C20orf96: variants seen among roughly 807,000 people sequenced by gnomAD.
C20orf96 encodes chromosome 20 open reading frame 96.
C20orf96 carries 57 observed loss-of-function variants against 52.6 expected under a neutral mutation model. The observed-to-expected ratio is 1.08, with a 90% CI of 0.88 to 1.35. The LOEUF is 1.35. Among genes scored for constraint, C20orf96 ranks in the 40% most tolerant of loss-of-function variants. The pLI, the probability that C20orf96 is intolerant of heterozygous loss-of-function variation, is 0.00. For missense variants in C20orf96, 478 were observed against 443.6 expected, an observed-to-expected ratio of 1.08 and a Z score of -0.70; for synonymous variants, 168 against 157.2, an observed-to-expected ratio of 1.07 and a Z score of -0.51.
At chr20:278,484 G>A (rs2012103136) in intron 5 of C20orf96, 55 bp from the exon 6 acceptor site, 1 of 1,394,136 alleles carries the variant, frequency 7.2e-7, no homozygotes, top group Non-Finnish European at 1.0e-6. Flanking sequence ...CTCAGAGGCG[G>A]CCACCCAGCA....
intron 4 of C20orf96, 57 bp from the exon 5 acceptor site, chr20:279,387 C>A (rs1351691160): frequency 9.0e-6 from 14 of 1,548,388 alleles, no homozygotes; most frequent in East Asian, 2.5e-5. Flanking sequence ...GCCTGAGCCC[C>A]CGAAAGCCCG....
chr20:276,662 G>A, intron 9 of C20orf96, 131 bp downstream of exon 9: 5 of 1,489,180 alleles, frequency 3.4e-6, no homozygotes, highest in Non-Finnish European at 4.5e-6. Context: ...CCGGCAAGGA[G>A]GGAGGCCAAC....
At chr20:280,499 T>C (rs2012226153) in intron 4 of C20orf96, among the ~76,000 whole-genome samples, 1 of 152,244 alleles carries the variant, frequency 6.6e-6, no homozygotes, top group Non-Finnish European at 1.5e-5. Flanking sequence ...CTCCAACAGC[T>C]TTATGTTTAC....
rs537094486 is a variant in C20orf96, at chr20:282,583, A to C, written c.306+1380T>G. Among the ~76,000 whole-genome samples, 4 of 152,310 alleles carry C rather than the reference A, an allele frequency of 2.6e-5. No homozygotes were observed. The East Asian group carries it at 7.7e-4, about 29-fold the overall frequency. On this transcript the variant is annotated intron_variant, in intron 4 of 10. Transcript: ENST00000360321. ...CCTCTAAAGTTAGGATAAAAATAAC[A>C]GAAATGGCTGGAAGCGGTGGCTCAC...
chr20:279,159 C>T lies in C20orf96; in HGVS notation c.465+13G>A, dbSNP rs1376427788. 6 of 1,553,370 alleles carry T rather than the reference C, an allele frequency of 3.9e-6. No homozygotes were observed. The East Asian group carries it at 9.9e-5, about 26-fold the overall frequency. Reference sequence around the variant, plus strand: ...CGGAGGGACGGAGGGCGGGCGGATGCCGCGGGTCTCACCGCCAGGGTGTCC... The same window carrying T: ...CGGAGGGACGGAGGGCGGGCGGATGTCGCGGGTCTCACCGCCAGGGTGTCC... On this transcript the variant is annotated intron_variant, in intron 5 of 10. Transcript: ENST00000360321.
In C20orf96 at chr20:279,160, C is replaced by A; in HGVS notation, c.465+12G>T. On this transcript the variant is annotated intron_variant, in intron 5 of 10. Transcript: ENST00000360321. The stretch of plus-strand genomic sequence containing the variant: ...GGAGGGACGGAGGGCGGGCGGATGC[C>A]GCGGGTCTCACCGCCAGGGTGTCCT... 1 of 1,562,744 alleles carries A rather than the reference C, an allele frequency of 6.4e-7. No individual in the cohort carries two copies. The highest frequency in any genetic ancestry group is 8.6e-7 in the Non-Finnish European group (1 of 1,162,608).
chr20:276,011 G>A lies in C20orf96; in HGVS notation c.988C>T (p.Pro330Ser). Residue 330 changes from proline (P) to serine (S), a missense_variant, in exon 10 of 11, where the codon CCC becomes TCC. Pro to Ser is a moderately conservative substitution (Grantham distance 74). Coordinates refer to ENST00000360321, the MANE Select transcript of C20orf96 (RefSeq NM_153269.3). ...VEELQAQTRE[P>S]REVIFEDVLL... ...ACATCCTCAAATATGACCTCTCGGG[G>A]TTCCCGGGTCTGGGCTTGGAGCTCT... 4 of 1,614,222 alleles carry A rather than the reference G, an allele frequency of 2.5e-6. No individual in the cohort carries two copies. Among genetic ancestry groups the A allele is most frequent in the Non-Finnish European group, 2.5e-6 (3 of 1,180,044 alleles).
chr20:277,875 A>G (rs915523271), intron 6 of C20orf96, among the ~76,000 whole-genome samples: 2 of 152,174 alleles, frequency 1.3e-5, no homozygotes, highest in Admixed American at 1.3e-4. Flanking sequence ...TGCTCAGGGA[A>G]AAGGAACCAC....
At chr20:274,863 A>G (rs2011967472) in intron 10 of C20orf96, among the ~76,000 whole-genome samples, 2 of 151,814 alleles carry the variant, frequency 1.3e-5, no homozygotes, top group African/African-American at 4.8e-5. Context: ...TCTGTCACCC[A>G]GACTGGAATG....
At chr20:288,286 T>C (rs760317154) in intron 3 of C20orf96, among the ~76,000 whole-genome samples, 2 of 148,720 alleles carry the variant, frequency 1.3e-5, no homozygotes, top group East Asian at 2.1e-4. Context: ...GAAAAACCCA[T>C]TGGGAATATT....
At chr20:280,806 T>C (rs926224110) in intron 4 of C20orf96, among the ~76,000 whole-genome samples, 17 of 152,220 alleles carry the variant, frequency 1.1e-4, no homozygotes, top group Non-Finnish European at 2.1e-4. Context: ...AGCCTCCTTA[T>C]ACTCATTCTA....
intron 3 of C20orf96, among the ~76,000 whole-genome samples, chr20:284,991 C>T (rs1012073713): frequency 2.6e-5 from 4 of 152,212 alleles, no homozygotes; most frequent in African/African-American, 4.8e-5. Context: ...AATCATCACG[C>T]CCACCTCATA....
intron 4 of C20orf96, among the ~76,000 whole-genome samples, chr20:280,799 C>T (rs1214960185): frequency 6.6e-6 from 1 of 152,140 alleles, no homozygotes; most frequent in Non-Finnish European, 1.5e-5. Flanking sequence ...GTCTCAGAGC[C>T]TCCTTATACT....
chr20:273,676 G>C (rs565266710), intron 10 of C20orf96, among the ~76,000 whole-genome samples: 1 of 152,014 alleles, frequency 6.6e-6, no homozygotes, highest in African/African-American at 2.4e-5. Flanking sequence ...AGGAGTTTGA[G>C]ACCAGCCTGG....
chr20:277,368 G>T lies in C20orf96; in HGVS notation c.581C>A (p.Ala194Glu), dbSNP rs1386056498. Residue 194 changes from alanine to glutamate, a missense_variant, in exon 7 of 11, where the codon GCA becomes GAA. Physicochemically the swap from Ala to Glu is moderately radical, Grantham distance 107. Transcript: ENST00000360321. ...KCKMSYLEQQ[A>E]EQLNAKIEKT... ...CTCAATCTTGGCATTCAGCTGCTCTGCCTGCTGCTCAAGATCTGGGGAGGG... is the reference window on the plus strand; with the variant it reads ...CTCAATCTTGGCATTCAGCTGCTCTTCCTGCTGCTCAAGATCTGGGGAGGG... 6.2e-7 allele frequency: 1 copy of T among 1,613,948 alleles called. No homozygotes were observed. Among genetic ancestry groups the T allele is most frequent in the African/African-American group, 1.3e-5 (1 of 75,042 alleles).
intron 9 of C20orf96, 82 bp from the exon 10 acceptor site, chr20:276,168 G>A (rs1292555539): frequency 6.2e-7 from 1 of 1,601,436 alleles, no homozygotes; most frequent in Non-Finnish European, 8.5e-7. Context: ...TGAACGAGGA[G>A]CAAAGCTATC....
intron 3 of C20orf96, among the ~76,000 whole-genome samples, chr20:288,708 C>T (rs982638321): frequency 1.3e-5 from 2 of 152,122 alleles, no homozygotes; most frequent in African/African-American, 4.8e-5. Context: ...CAGTGTTGCC[C>T]ACAGGGGAGC....
chr20:277,481 A>G, intron 6 of C20orf96, 98 bp from the exon 7 acceptor site: 2 of 1,272,578 alleles, frequency 1.6e-6, no homozygotes, highest in Non-Finnish European at 2.2e-6. Context: ...CTCCTTGGCC[A>G]GTAACTGGGG....
At position 279,041 on chromosome 20, in the gene C20orf96, AGGGCGGGAGGGC is replaced by A. The variant is rs1568491337; in HGVS notation, c.465+119_465+130del. The A allele has an allele frequency of 2.9e-4, 71 of 248,282 alleles. 2 individuals are homozygous for A. The highest frequency in any genetic ancestry group is 3.5e-4 in the Non-Finnish European group (55 of 157,624). The allele number at this position is 248,282 out of a possible 1,614,324, so 15.4% of individuals were successfully genotyped here. On this transcript the variant is annotated intron_variant, in intron 5 of 10. Transcript: ENST00000360321. The stretch of plus-strand genomic sequence containing the variant: ...GAGGGACGGAGGGAGGGCGGGACGG[AGGGCGGGAGGGC>A]GGGACGGAGGGAGGGAGGGAGGGAG...
Sources: gnomAD v4.1 joint callset for allele counts (sites outside exome capture counted in the v4.1 genomes callset) on GRCh38, gnomAD v4.1.1 for gene constraint, MANE v1.5 for transcripts, NCBI Gene and HGNC (gene_info 2026-07-23, HGNC 2026-07-21) for gene names.